The following H3-3A variants were observed in gnomAD, a reference collection of about 807,000 sequenced individuals.
The protein encoded by H3-3A is H3.3 histone A.
For missense variants in H3-3A, 7 were observed against 184.0 expected, an observed-to-expected ratio of 0.04 and a Z score of 5.57; for synonymous variants, 49 against 61.4, an observed-to-expected ratio of 0.80 and a Z score of 0.95.
chr1:226,066,381 G>A (rs948152208), intron 3 of H3-3A: 3 of 152,952 alleles, frequency 2.0e-5, no homozygotes, highest in African/African-American at 7.2e-5. Flanking sequence ...AAAGGGGCCA[G>A]GATTTGCCTT....
chr1:226,067,393 C>G (rs1657963532), intron 3 of H3-3A: 1 of 151,944 alleles, frequency 6.6e-6, no homozygotes, highest in Non-Finnish European at 1.5e-5. Flanking sequence ...CTTTGTTAAG[C>G]TTTTGTGTTT....
intron 1 of H3-3A, among the ~76,000 whole-genome samples, chr1:226,063,743 TGGACGCGAGGACGG>T (rs1262074842): frequency 6.6e-6 from 1 of 152,174 alleles, no homozygotes; most frequent in Non-Finnish European, 1.5e-5. Context: ...CTGTGAGGAC[TGGACGCGAGGACGG>T]GGCTTTGTAG....
At chr1:226,070,656 C>T (rs1658083752) in intron 3 of H3-3A, among the ~76,000 whole-genome samples, 1 of 151,836 alleles carries the variant, frequency 6.6e-6, no homozygotes, top group East Asian at 1.9e-4. Context: ...ACCTGTAGTC[C>T]CAGCTACTCG....
chr1:226,063,004 C>T (rs550991573), intron 1 of H3-3A, among the ~76,000 whole-genome samples, 193 bp downstream of exon 1: 177 of 152,034 alleles, frequency 1.2e-3, no homozygotes, highest in Non-Finnish European at 1.9e-3. Flanking sequence ...CGTCTCTCGC[C>T]GCCTCAGCCC....
intron 1 of H3-3A, among the ~76,000 whole-genome samples, chr1:226,063,318 C>G (rs1657800962): frequency 6.6e-6 from 1 of 152,160 alleles, no homozygotes; most frequent in African/African-American, 2.4e-5. Context: ...TATTTTTTCC[C>G]CCGTTTCTCT....
chr1:226,070,312 T>G (rs1443837292), intron 3 of H3-3A, among the ~76,000 whole-genome samples: 2 of 151,226 alleles, frequency 1.3e-5, no homozygotes, highest in African/African-American at 4.9e-5. Flanking sequence ...AAGCCCCATC[T>G]CTACTGAAAA....
At chr1:226,067,553 A>G (rs1321299853) in intron 3 of H3-3A, among the ~76,000 whole-genome samples, 2 of 152,150 alleles carry the variant, frequency 1.3e-5, no homozygotes, top group Non-Finnish European at 2.9e-5. Flanking sequence ...AGCGTGGCCA[A>G]CATGGTGTGA....
chr1:226,068,928 C>T (rs1014641797), intron 3 of H3-3A, among the ~76,000 whole-genome samples: 2 of 152,048 alleles, frequency 1.3e-5, no homozygotes, highest in African/African-American at 2.4e-5. Flanking sequence ...ATAAGTAAGA[C>T]TTAGTTGTTA....
intron 2 of H3-3A, 77 bp downstream of exon 2, chr1:226,064,556 CAG>C: frequency 7.9e-7 from 1 of 1,261,938 alleles, no homozygotes; most frequent in Non-Finnish European, 1.1e-6. Flanking sequence ...AGATGGATAA[CAG>C]GAAAACTTTT....
chr1:226,070,060 GAAA>G (rs1249190355), intron 3 of H3-3A, among the ~76,000 whole-genome samples: 1 of 152,132 alleles, frequency 6.6e-6, no homozygotes, highest in Non-Finnish European at 1.5e-5. Flanking sequence ...AGTCAAATGG[GAAA>G]AACCAGAGAA....
At chr1:226,064,501 A>G (rs1021695176) in intron 2 of H3-3A, 22 bp downstream of exon 2, 48 of 1,600,074 alleles carry the variant, frequency 3.0e-5, no homozygotes, top group Admixed American at 8.5e-5. Flanking sequence ...CAGGAAAAAA[A>G]TGGGACAAAG....
At position 226,071,338 on chromosome 1, in the gene H3-3A, A is replaced by G. The variant is rs532066771; in HGVS notation, c.283-13A>G. The G allele has an allele frequency of 3.7e-6, 6 of 1,606,600 alleles. No homozygotes were observed. Among genetic ancestry groups the G allele is most frequent in the Admixed American group, 3.3e-5 (2 of 59,948 alleles). ...TAACATCATCAGTAATTTTTTCTTC[A>G]TTCCTTTTGCAGGAGGCAAGTGAGG... On this transcript the variant is annotated splice_polypyrimidine_tract_variant and intron_variant, in intron 3 of 3. Coordinates refer to ENST00000366815, the MANE Select transcript of H3-3A (RefSeq NM_002107.7).
At chr1:226,067,488 C>G (rs550790302) in intron 3 of H3-3A, among the ~76,000 whole-genome samples, 5 of 152,176 alleles carry the variant, frequency 3.3e-5, no homozygotes, top group African/African-American at 1.2e-4. Flanking sequence ...TCTGTAATCC[C>G]AACACTTTGG....
rs139897261 is a variant in H3-3A, at chr1:226,063,478, C to T, written c.-24+667C>T. Reference sequence around the variant, plus strand: ...GGCAGGGGATAGGGGTATTTTCGAGCGATTTGGTGTTTTGTCTCTTTGGAA... The same window carrying T: ...GGCAGGGGATAGGGGTATTTTCGAGTGATTTGGTGTTTTGTCTCTTTGGAA... On this transcript the variant is annotated intron_variant, in intron 1 of 3. Coordinates refer to ENST00000366815, the MANE Select transcript of H3-3A (RefSeq NM_002107.7). Among the ~76,000 whole-genome samples the T allele has an allele frequency of 5.2e-3, 784 of 152,154 alleles. 8 individuals carry two copies. The highest frequency in any genetic ancestry group is 6.8e-3 in the Middle Eastern group (2 of 294).
At chr1:226,067,894 T>C (rs958480661) in intron 3 of H3-3A, among the ~76,000 whole-genome samples, 6 of 152,328 alleles carry the variant, frequency 3.9e-5, no homozygotes, top group African/African-American at 1.4e-4. Context: ...CCAGTGAGAA[T>C]GGTAGAGGAG....
chr1:226,061,873 G>GGGGGCC (rs1306177817), upstream of H3-3A: 1 of 152,170 alleles, frequency 6.6e-6, no homozygotes, highest in African/African-American at 2.4e-5. Context: ...ATCTTGCGTC[G>GGGGGCC]GGGGCCCGGG....
chr1:226,071,912 T>A lies in H3-3A; in HGVS notation c.*433T>A, dbSNP rs1658140142. 1 of 217,424 alleles carries A rather than the reference T, an allele frequency of 4.6e-6. No individual in the cohort carries two copies. The allele number at this position is 217,424 out of a possible 1,614,324, so 13.5% of individuals were successfully genotyped here. ...CATCCATTCACTATACTTTTCTAAC[T>A]GAGTTGTCCTACATGCAAGTACATG... On this transcript the variant is annotated 3_prime_UTR_variant, in exon 4 of 4. Transcript: ENST00000366815.
At chr1:226,067,345 C>G (rs1213257823) in intron 3 of H3-3A, 1 of 152,180 alleles carries the variant, frequency 6.6e-6, no homozygotes, top group Non-Finnish European at 1.5e-5. Flanking sequence ...GTCCACAGTT[C>G]TCTTAGTGTT....
intron 1 of H3-3A, chr1:226,064,069 T>A (rs1657839146): frequency 7.4e-6 from 2 of 271,500 alleles, no homozygotes; most frequent in South Asian, 1.1e-4. Context: ...GTTCGAGGTA[T>A]TTTTGTTTTG....
Sources: allele counts gnomAD v4.1 joint callset (sites outside exome capture counted in the v4.1 genomes callset), GRCh38; gene constraint gnomAD v4.1.1; transcripts MANE v1.5; gene names NCBI Gene and HGNC (gene_info 2026-07-23, HGNC 2026-07-21).